The following ALG8 variants were observed in gnomAD, a reference collection of about 807,000 sequenced individuals.
ALG8 encodes the protein ALG8 alpha-1,3-glucosyltransferase.
In ALG8, 48 loss-of-function variants were observed where a neutral mutation model predicts 70.2. That is an observed-to-expected ratio of 0.68 (90% confidence interval 0.54 to 0.87). The LOEUF (loss-of-function observed/expected upper bound fraction) is 0.87, where lower values mean the gene tolerates loss of function less well. ALG8 is among the 40% of genes least tolerant of loss of function. ALG8 has a pLI of 0.00. For missense variants in ALG8, 572 were observed against 608.7 expected (o/e 0.94, Z 0.64); for synonymous variants, 234 against 229.0 (o/e 1.02, Z -0.20).
At position 78,116,185 on chromosome 11, in the gene ALG8, C is replaced by A. The variant is rs549275617; in HGVS notation, c.547-1793G>T. Among the ~76,000 whole-genome samples, 9 of 152,014 alleles carry A rather than the reference C, an allele frequency of 5.9e-5. No individual in the cohort carries two copies. In the East Asian group the frequency reaches 1.7e-3, roughly 29 times the overall value. On this transcript the variant is annotated intron_variant, in intron 5 of 12. Coordinates refer to ENST00000299626, the MANE Select transcript of ALG8 (RefSeq NM_024079.5). ...GACCAGCCTGGCCAACATAGTGAAA[C>A]CCTGTCTCTACTAAAAATACAAAAA...
At chr11:78,101,349 C>T (rs1222662950) in intron 12 of ALG8, among the ~76,000 whole-genome samples, 154 bp from the exon 13 acceptor site, 1 of 152,200 alleles carries the variant, frequency 6.6e-6, no homozygotes, top group African/African-American at 2.4e-5. Context: ...ACATTTAGGG[C>T]CAAGTGCAGA....
intron 1 of ALG8, among the ~76,000 whole-genome samples, chr11:78,135,889 G>T (rs1430421302): frequency 4.7e-5 from 7 of 148,604 alleles, no homozygotes; most frequent in African/African-American, 1.8e-4. Flanking sequence ...AAAATAATGG[G>T]TGGGTGCAGT....
chr11:78,109,648 T>A, intron 8 of ALG8, 67 bp from the exon 9 acceptor site: 1 of 1,441,204 alleles, frequency 6.9e-7, no homozygotes, highest in South Asian at 1.2e-5. Flanking sequence ...ATATTAACAA[T>A]CAATTCCTTG....
At chr11:78,132,447 T>C (rs1471300686) in intron 1 of ALG8, among the ~76,000 whole-genome samples, 12 of 152,220 alleles carry the variant, frequency 7.9e-5, no homozygotes. Context: ...ATTTTATAAA[T>C]GCAGATCATT....
intron 3 of ALG8, among the ~76,000 whole-genome samples, chr11:78,121,566 A>G (rs1353246079): frequency 6.6e-6 from 1 of 151,896 alleles, no homozygotes; most frequent in Admixed American, 6.6e-5. Flanking sequence ...AAAAAAAAAA[A>G]AAAAGAAAAA....
rs758100604 is a variant in ALG8, at chr11:78,106,759, T to A, written c.1178+48A>T. 1.5e-5 allele frequency: 24 copies of A among 1,611,312 alleles called. 1 individual carries two copies. Among genetic ancestry groups the A allele is most frequent in the Non-Finnish European group, 2.0e-5 (24 of 1,178,352 alleles). ...GGGACAGAGCAAATAGAAAATAGGATCATTGTGAAATATGCCAAAATGCTC... is the reference window on the plus strand; with the variant it reads ...GGGACAGAGCAAATAGAAAATAGGAACATTGTGAAATATGCCAAAATGCTC... On this transcript the variant is annotated intron_variant, in intron 10 of 12. Transcript: ENST00000299626.
intron 9 of ALG8, 129 bp from the exon 10 acceptor site, chr11:78,107,075 G>A (rs751309151): frequency 4.3e-6 from 5 of 1,155,534 alleles, no homozygotes; most frequent in Admixed American, 2.1e-5. Context: ...TCATGAAACC[G>A]AATCATTCAT....
At chr11:78,131,312 T>C (rs1185241861) in intron 1 of ALG8, among the ~76,000 whole-genome samples, 2 of 152,040 alleles carry the variant, frequency 1.3e-5, no homozygotes, top group Non-Finnish European at 2.9e-5. Flanking sequence ...ATTAACAAAA[T>C]CTACAATCAG....
At chr11:78,108,420 ACT>A (rs1354097578) in intron 9 of ALG8, among the ~76,000 whole-genome samples, 1 of 152,074 alleles carries the variant, frequency 6.6e-6, no homozygotes, top group African/African-American at 2.4e-5. Context: ...ACGGAGTGAG[ACT>A]CTGTCTCAAA....
intron 5 of ALG8, among the ~76,000 whole-genome samples, 172 bp downstream of exon 5, chr11:78,119,010 T>C (rs946794432): frequency 2.6e-5 from 4 of 152,054 alleles, no homozygotes; most frequent in African/African-American, 9.7e-5. Context: ...ATGAAGAAAA[T>C]TATGGTCAAA....
intron 2 of ALG8, among the ~76,000 whole-genome samples, chr11:78,124,434 C>G (rs1860974221): frequency 6.6e-6 from 1 of 152,162 alleles, no homozygotes; most frequent in African/African-American, 2.4e-5. Flanking sequence ...AAAACCCTGT[C>G]TCTATTTTTA....
At chr11:78,106,758 A>G (rs2136883517) in intron 10 of ALG8, 49 bp downstream of exon 10, 2 of 1,611,354 alleles carry the variant, frequency 1.2e-6, no homozygotes, top group Non-Finnish European at 1.7e-6. Flanking sequence ...AGAAAATAGG[A>G]TCATTGTGAA....
At chr11:78,106,760 C>T (rs777330036) in intron 10 of ALG8, 47 bp downstream of exon 10, 1 of 1,611,620 alleles carries the variant, frequency 6.2e-7, no homozygotes, top group Non-Finnish European at 8.5e-7. Context: ...AAAATAGGAT[C>T]ATTGTGAAAT....
chr11:78,114,291 G>A lies in ALG8; in HGVS notation c.648C>T (p.Ser216=). The change falls in exon 6 of 13, where the codon TCC becomes TCT. Residue 216 remains serine, a synonymous_variant. Transcript: ENST00000299626. ...CTGGTTTATTTGCAGTGAAACAGTA[G>A]GATCGCAGCAGATATACACCATAAG... ...APAYGVYLLR[S]YCFTANKPDG... The A allele has an allele frequency of 1.2e-6, 2 of 1,614,092 alleles. No homozygotes were observed. Among genetic ancestry groups the A allele is most frequent in the Non-Finnish European group, 1.7e-6 (2 of 1,180,016 alleles).
chr11:78,112,316 G>C (rs1028513693), intron 8 of ALG8: 2 of 341,464 alleles, frequency 5.9e-6, no homozygotes, highest in Admixed American at 4.0e-5. Context: ...TGGTGAGAAG[G>C]GGGGAAAAAA....
chr11:78,139,076 A>G, intron 1 of ALG8: 1 of 342,430 alleles, frequency 2.9e-6, no homozygotes, highest in Non-Finnish European at 5.6e-6. Flanking sequence ...TCACAATCTG[A>G]AAAGTTCCTG....
intron 10 of ALG8, chr11:78,104,688 G>C: frequency 2.2e-6 from 1 of 445,444 alleles, no homozygotes; most frequent in Non-Finnish European, 4.1e-6. Flanking sequence ...TTCTGGCCGG[G>C]GACAGTGGCT....
chr11:78,133,799 G>A (rs1398023601), intron 1 of ALG8, among the ~76,000 whole-genome samples: 1 of 152,038 alleles, frequency 6.6e-6, no homozygotes, highest in Non-Finnish European at 1.5e-5. Flanking sequence ...CTACTCGGTA[G>A]GCTGAGGCAG....
chr11:78,129,648 C>T (rs1373184960), intron 1 of ALG8, among the ~76,000 whole-genome samples: 1 of 152,170 alleles, frequency 6.6e-6, no homozygotes, highest in Non-Finnish European at 1.5e-5. Context: ...ATTTGTTCTA[C>T]TTTCACTCAT....
Sources: allele counts gnomAD v4.1 joint callset (sites outside exome capture counted in the v4.1 genomes callset), GRCh38; gene constraint gnomAD v4.1.1; transcripts MANE v1.5; gene names NCBI Gene and HGNC (gene_info 2026-07-23, HGNC 2026-07-21).